JARID2: variants seen among roughly 807,000 people sequenced by gnomAD.
The protein encoded by JARID2 is protein Jumonji.
Under a neutral mutation model 125.6 loss-of-function variants are expected in JARID2, and 21 were observed. The observed-to-expected ratio is 0.17, with a 90% CI of 0.12 to 0.24. The LOEUF is 0.24. Ranked by LOEUF, JARID2 falls within the 10% of genes least tolerant of loss-of-function variation. The probability of loss-of-function intolerance (pLI) is 1.00; values close to 1 mark genes in which losing one functional copy is unlikely to be tolerated. For missense variants in JARID2, 1,303 were observed against 1,639.6 expected (o/e 0.79, Z 3.55); for synonymous variants, 736 against 661.6 (o/e 1.11, Z -1.73).
Position 15,501,372 on chromosome 6 carries a change from A to G in JARID2, c.2411A>G (p.Lys804Arg), listed in dbSNP as rs780072251. 1.9e-6 allele frequency: 3 copies of G among 1,569,020 alleles called. No individual in the cohort carries two copies. In the Admixed American group the frequency reaches 5.6e-5, roughly 29 times the overall value. The change falls in exon 8 of 18, where the codon AAA becomes AGA. Residue 804 changes from lysine (K) to arginine (R), a missense_variant. By Grantham distance (26) the Lys-to-Arg change is conservative. Transcript: ENST00000341776. ...GTGGTCAAGGAAGAGGAGGAGGACA[A>G]AGGCGTCCTCAATGACTTCCACAAG... Reference protein sequence around the residue: ...KEVVKEEEEDKGVLNDFHKCI... With the variant: ...KEVVKEEEEDRGVLNDFHKCI...
At chr6:15,448,432 T>G (rs761773489) in intron 3 of JARID2, among the ~76,000 whole-genome samples, 2 of 152,186 alleles carry the variant, frequency 1.3e-5, no homozygotes, top group Non-Finnish European at 2.9e-5. Flanking sequence ...AATCTTCTCA[T>G]CGTGTATAGG....
Position 15,517,190 on chromosome 6 carries a change from C to T in JARID2, c.3480C>T (p.Phe1160=), listed in dbSNP as rs1259668515. The T allele has an allele frequency of 1.2e-6, 2 of 1,614,072 alleles. No homozygotes were observed. The highest frequency in any genetic ancestry group is 8.5e-7 in the Non-Finnish European group (1 of 1,179,936). ...TACAAGAGAACGAAAACGTCGTGTTCTGTCTGGAGTGTGCTCTGCGCCACG... is the reference window on the plus strand; with the variant it reads ...TACAAGAGAACGAAAACGTCGTGTTTTGTCTGGAGTGTGCTCTGCGCCACG... ...MVVQENENVV[F]CLECALRHVE... Residue 1160 remains phenylalanine (F), a synonymous_variant, in exon 17 of 18, where the codon TTC becomes TTT. Coordinates refer to ENST00000341776, the MANE Select transcript of JARID2 (RefSeq NM_004973.4).
At chr6:15,273,781 A>C (rs942815272) in intron 1 of JARID2, among the ~76,000 whole-genome samples, 3 of 152,106 alleles carry the variant, frequency 2.0e-5, no homozygotes, top group Admixed American at 1.3e-4. Flanking sequence ...AAATGTTGTA[A>C]ATTAGTAGGA....
At chr6:15,335,227 G>A (rs1196057779) in intron 1 of JARID2, among the ~76,000 whole-genome samples, 1 of 152,144 alleles carries the variant, frequency 6.6e-6, no homozygotes, top group African/African-American at 2.4e-5. Flanking sequence ...AGCCTCCCAA[G>A]TAGCTGGGAT....
Position 15,413,023 on chromosome 6 carries a change from G to GTTTTTTTTT in JARID2, c.323+2663_323+2671dup, listed in dbSNP as rs1349875486. 4.4e-5 allele frequency among the ~76,000 whole-genome samples: 3 copies of GTTTTTTTTT among 68,008 alleles called. 1 individual carries two copies. The highest frequency in any genetic ancestry group is 3.9e-4 in the Admixed American group (2 of 5,078). The allele number at this position is 68,008 out of a possible 152,430, so 44.6% of individuals were successfully genotyped here. A position where few individuals can be genotyped will look rare whatever the true frequency, so the allele number is the denominator to read the frequency against. ...TTGTGTTTTTGTTTTTTTTTTTTTT[G>GTTTTTTTTT]TTTTTTTTTTTTTGAGACTGAGTTT... On this transcript the variant is annotated intron_variant, in intron 3 of 17. Transcript: ENST00000341776.
intron 1 of JARID2, among the ~76,000 whole-genome samples, chr6:15,329,649 G>C (rs763016211): frequency 3.9e-5 from 6 of 152,226 alleles, no homozygotes; most frequent in South Asian, 2.1e-4. Context: ...AGGTCAGCCA[G>C]CCATTCGGAT....
intron 7 of JARID2, 84 bp downstream of exon 7, chr6:15,497,254 C>G: frequency 9.2e-7 from 1 of 1,090,304 alleles, no homozygotes. Context: ...TTCACGTTCT[C>G]TTCCCTTGCG....
At chr6:15,416,490 A>G (rs554850572) in intron 3 of JARID2, among the ~76,000 whole-genome samples, 2 of 152,170 alleles carry the variant, frequency 1.3e-5, no homozygotes, top group South Asian at 2.1e-4. Flanking sequence ...GCTGGAGACC[A>G]GCCCGGCCAA....
At chr6:15,469,073 A>G (rs776367270) in intron 5 of JARID2, among the ~76,000 whole-genome samples, 1 of 152,032 alleles carries the variant, frequency 6.6e-6, no homozygotes, top group Non-Finnish European at 1.5e-5. Flanking sequence ...GCAGGTGGAT[A>G]TGGTATAGGA....
chr6:15,415,022 G>A (rs977179652), intron 3 of JARID2, among the ~76,000 whole-genome samples: 1 of 152,128 alleles, frequency 6.6e-6, no homozygotes, highest in Non-Finnish European at 1.5e-5. Context: ...GACTCTTAAC[G>A]AGCATGCTGC....
At chr6:15,270,664 A>G (rs963367281) in intron 1 of JARID2, among the ~76,000 whole-genome samples, 2 of 152,152 alleles carry the variant, frequency 1.3e-5, no homozygotes, top group Admixed American at 1.3e-4. Context: ...AAAGCTGACC[A>G]GAGGCCATGC....
chr6:15,486,565 A>G (rs982684822), intron 5 of JARID2, among the ~76,000 whole-genome samples: 13 of 152,382 alleles, frequency 8.5e-5, no homozygotes, highest in Admixed American at 2.0e-4. Context: ...CAGAGGCTCA[A>G]TGTACTTCAG....
chr6:15,254,329 C>T (rs192400612), intron 1 of JARID2, among the ~76,000 whole-genome samples: 2 of 152,214 alleles, frequency 1.3e-5, no homozygotes, highest in Non-Finnish European at 1.5e-5. Flanking sequence ...TTTGATTTCC[C>T]AGGGCTGTTG....
intron 5 of JARID2, among the ~76,000 whole-genome samples, chr6:15,469,208 A>G (rs1405129475): frequency 6.6e-6 from 1 of 151,568 alleles, no homozygotes; most frequent in Non-Finnish European, 1.5e-5. Flanking sequence ...ATCACAGCAA[A>G]GAAACTCATC....
chr6:15,452,241 G>A, intron 4 of JARID2, 66 bp downstream of exon 4: 2 of 1,577,120 alleles, frequency 1.3e-6, no homozygotes. Context: ...GGTCTACGTG[G>A]AGTAACCTTA....
chr6:15,327,530 T>TGA, intron 1 of JARID2, among the ~76,000 whole-genome samples: 1 of 8,142 alleles, frequency 1.2e-4, no homozygotes, highest in African/African-American at 2.7e-4. Flanking sequence ...TCTGGAAGAG[T>TGA]GTGTGTGTGT....
intron 1 of JARID2, among the ~76,000 whole-genome samples, chr6:15,333,059 G>C (rs915230186): frequency 6.7e-6 from 1 of 149,488 alleles, no homozygotes; most frequent in Admixed American, 6.7e-5. Flanking sequence ...AGCCTCCCGA[G>C]TAGCTTGGGA....
chr6:15,292,413 T>G (rs2127397616), intron 1 of JARID2, among the ~76,000 whole-genome samples: 1 of 152,300 alleles, frequency 6.6e-6, no homozygotes, highest in Middle Eastern at 3.4e-3. Context: ...ACAACTGCAG[T>G]TTTCTTTAAC....
intron 1 of JARID2, among the ~76,000 whole-genome samples, chr6:15,311,748 CT>C (rs1762022006): frequency 2.1e-5 from 3 of 141,548 alleles, no homozygotes; most frequent in Admixed American, 7.0e-5. Flanking sequence ...TTTTTTTTTT[CT>C]TTTTTCTTGT....
Sources: allele counts gnomAD v4.1 joint callset (sites outside exome capture counted in the v4.1 genomes callset), GRCh38; gene constraint gnomAD v4.1.1; transcripts MANE v1.5; gene names NCBI Gene and HGNC (gene_info 2026-07-23, HGNC 2026-07-21).